FUT8: variants seen among roughly 807,000 people sequenced by gnomAD.
FUT8 encodes alpha-(1,6)-fucosyltransferase.
Under a neutral mutation model 71.3 loss-of-function variants are expected in FUT8, and 29 were observed. The observed-to-expected ratio is 0.41, with a 90% confidence interval of 0.30 to 0.55. The LOEUF (loss-of-function observed/expected upper bound fraction) is 0.55, where lower values mean the gene tolerates loss of function less well. Among genes scored for constraint, FUT8 ranks in the 20% least tolerant of loss-of-function variants. The probability of loss-of-function intolerance (pLI) is 0.34; values close to 1 mark genes in which losing one functional copy is unlikely to be tolerated. For synonymous variants in FUT8, 254 were observed against 239.3 expected (o/e 1.06, Z -0.57); for missense variants, 544 against 702.1 (o/e 0.77, Z 2.55).
intron 1 of FUT8, among the ~76,000 whole-genome samples, chr14:65,450,236 C>T (rs1566754945): frequency 1.3e-5 from 2 of 152,260 alleles, no homozygotes; most frequent in Middle Eastern, 3.4e-3. Context: ...AAATGACTGA[C>T]TCTGTTCAAT....
At chr14:65,429,872 A>C (rs2065444713) in intron 1 of FUT8, among the ~76,000 whole-genome samples, 1 of 144,026 alleles carries the variant, frequency 6.9e-6, no homozygotes, top group South Asian at 2.1e-4. Context: ...AAAAAAAAAA[A>C]AAAAAAAAAA....
At chr14:65,608,471 A>G (rs547018618) in intron 3 of FUT8, among the ~76,000 whole-genome samples, 20 of 152,022 alleles carry the variant, frequency 1.3e-4, no homozygotes, top group Admixed American at 9.8e-4. Flanking sequence ...ACAACTCACT[A>G]GTTTTTCATA....
chr14:65,395,581 C>T, the FUT8 span, among the ~76,000 whole-genome samples: 1 of 152,258 alleles, frequency 6.6e-6, no homozygotes, highest in African/African-American at 2.4e-5. Context: ...CCCCTTTTAA[C>T]CATAGCTAGA....
chr14:65,491,444 C>G (rs1302826078), intron 2 of FUT8, among the ~76,000 whole-genome samples: 1 of 152,080 alleles, frequency 6.6e-6, no homozygotes, highest in African/African-American at 2.4e-5. Context: ...AGAGAAACTT[C>G]TGGTCCTTTT....
rs539610978 is a variant in FUT8, at chr14:65,587,005, G to A, written c.203+25239G>A. Among the ~76,000 whole-genome samples the A allele has an allele frequency of 3.6e-3, 545 of 152,028 alleles. 2 individuals carry two copies. Among genetic ancestry groups the A allele is most frequent in the African/African-American group, 0.012 (503 of 41,504 alleles). ...AGATCGAGACCATCCTGGCTAACAC[G>A]GTGAAACCCCATCTCTATTAAAAAT... On this transcript the variant is annotated intron_variant, in intron 3 of 10. Coordinates refer to ENST00000673929, the MANE Select transcript of FUT8 (RefSeq NM_001371533.1).
intron 1 of FUT8, among the ~76,000 whole-genome samples, chr14:65,443,561 A>G (rs2065693899): frequency 6.6e-6 from 1 of 151,616 alleles, no homozygotes; most frequent in Non-Finnish European, 1.5e-5. Context: ...CTCTACAGAA[A>G]ATTTAAAAAT....
the FUT8 span, among the ~76,000 whole-genome samples, chr14:65,398,237 T>A: frequency 6.6e-6 from 1 of 152,204 alleles, no homozygotes; most frequent in Non-Finnish European, 1.5e-5. Flanking sequence ...CATAGCTCAC[T>A]GCAGCCTTGA....
At chr14:65,604,606 A>G (rs1253206523) in intron 3 of FUT8, among the ~76,000 whole-genome samples, 2 of 151,892 alleles carry the variant, frequency 1.3e-5, no homozygotes, top group Non-Finnish European at 2.9e-5. Context: ...AAGGCAGTGC[A>G]AAGAGGAAAG....
rs999817680 is a variant in FUT8 at position 65,743,816 on chromosome 14, G to T, written c.*1406G>T. Reference sequence around the variant, plus strand: ...CTCCTCATAAAAACACTTCCTTATTGTATGTAGCCTGCCTCCTACAGAGGC... The same window carrying T: ...CTCCTCATAAAAACACTTCCTTATTTTATGTAGCCTGCCTCCTACAGAGGC... On this transcript the variant is annotated 3_prime_UTR_variant, in exon 11 of 11. Coordinates refer to ENST00000673929, the MANE Select transcript of FUT8 (RefSeq NM_001371533.1). The T allele has an allele frequency of 6.6e-6, 1 of 151,790 alleles. No homozygotes were observed. The highest frequency in any genetic ancestry group is 2.4e-5 in the African/African-American group (1 of 41,356). 9.4% of individuals were successfully genotyped at this position (151,790 alleles called of 1,614,324 possible). A position where few individuals can be genotyped will look rare whatever the true frequency, so the allele number is the denominator to read the frequency against.
intron 3 of FUT8, among the ~76,000 whole-genome samples, chr14:65,579,736 C>A (rs971838217): frequency 2.0e-5 from 3 of 152,088 alleles, no homozygotes; most frequent in African/African-American, 7.2e-5. Flanking sequence ...TTAGAGTCCC[C>A]AGTGGGGTCA....
chr14:65,589,366 T>C (rs1471586219), intron 3 of FUT8, among the ~76,000 whole-genome samples: 2 of 151,502 alleles, frequency 1.3e-5, no homozygotes, highest in Non-Finnish European at 2.9e-5. Context: ...TAGAATTCTA[T>C]AGAGAACACC....
chr14:65,417,943 G>A (rs1188182860), intron 1 of FUT8, among the ~76,000 whole-genome samples: 4 of 152,008 alleles, frequency 2.6e-5, no homozygotes, highest in Non-Finnish European at 4.4e-5. Flanking sequence ...ATATGAAAAC[G>A]AACTTGAAAG....
rs1175828243 is a variant in FUT8, at chr14:65,603,494, G to GT, written c.204-12477dup. Among the ~76,000 whole-genome samples, 3 of 151,408 alleles carry GT rather than the reference G, an allele frequency of 2.0e-5. No homozygotes were observed. Among genetic ancestry groups the GT allele is most frequent in the Admixed American group, 6.6e-5 (1 of 15,156 alleles). On this transcript the variant is annotated intron_variant, in intron 3 of 10. Transcript: ENST00000673929. This position sits in a 1 kb window ranked among gnomAD's most constrained non-coding sequence, Gnocchi z 4.5. ...TTGGTTCCATGTGAATTTTAGAATT[G>GT]TTTTTTTCTAATTCTGTAAAGAATG...
intron 7 of FUT8, among the ~76,000 whole-genome samples, chr14:65,692,410 A>ACC (rs1453206177): frequency 7.3e-5 from 6 of 82,258 alleles, no homozygotes; most frequent in African/African-American, 2.3e-4. Context: ...CGGGGGGCTG[A>ACC]CCCCCCCACC....
chr14:65,628,912 A>G (rs1026781921), intron 5 of FUT8, among the ~76,000 whole-genome samples: 2 of 152,244 alleles, frequency 1.3e-5, no homozygotes, highest in African/African-American at 4.8e-5. Flanking sequence ...CATATTATCT[A>G]TGGCAGCTTT....
intron 1 of FUT8, among the ~76,000 whole-genome samples, chr14:65,415,434 T>C (rs1174244833): frequency 6.6e-6 from 1 of 152,214 alleles, no homozygotes; most frequent in Non-Finnish European, 1.5e-5. Context: ...ATTTCTCACT[T>C]AAAAATCTCT....
the FUT8 span, among the ~76,000 whole-genome samples, chr14:65,369,027 T>C: frequency 2.0e-5 from 3 of 152,256 alleles, no homozygotes; most frequent in Non-Finnish European, 4.4e-5. The surrounding 1 kb of genome is among the most constrained non-coding windows in gnomAD (Gnocchi z 4.6). Flanking sequence ...TTTCTACACA[T>C]AATCAATATA....
rs535215081 is a variant in FUT8, at chr14:65,635,320, G to C, written c.597+5714G>C. 6.4e-3 allele frequency among the ~76,000 whole-genome samples: 974 copies of C among 152,216 alleles called. 10 individuals are homozygous for C. The highest frequency in any genetic ancestry group is 8.2e-3 in the Non-Finnish European group (556 of 68,012). ...GGTTTGACTTCCTCTTTACCGATTT[G>C]GATGCCCTTTCTTTCTCTTGTCTGA... On this transcript the variant is annotated intron_variant, in intron 6 of 10. Coordinates refer to ENST00000673929, the MANE Select transcript of FUT8 (RefSeq NM_001371533.1).
At chr14:65,582,528 G>C (rs1288111524) in intron 3 of FUT8, among the ~76,000 whole-genome samples, 1 of 152,104 alleles carries the variant, frequency 6.6e-6, no homozygotes, top group Non-Finnish European at 1.5e-5. Flanking sequence ...AGTATTTTTA[G>C]TAAGTGTTGG....
Sources: gnomAD v4.1 joint callset for allele counts (sites outside exome capture counted in the v4.1 genomes callset) on GRCh38, gnomAD v4.1.1 for gene constraint, Gnocchi (gnomAD v3.1) non-coding constraint, MANE v1.5 for transcripts, NCBI Gene and HGNC (gene_info 2026-07-23, HGNC 2026-07-21) for gene names.